The following RTP2 variants were observed in gnomAD, a reference collection of about 807,000 sequenced individuals.
The protein encoded by RTP2 is receptor transporter protein 2, also known as receptor-transporting protein 2.
A neutral mutation model predicts 17.9 loss-of-function variants in RTP2; 12 were observed. The observed-to-expected ratio is 0.67, with a 90% CI of 0.43 to 1.09. The LOEUF is 1.09. Among genes scored for constraint, RTP2 ranks in the 50% least tolerant of loss-of-function variants. RTP2 has a pLI of 0.00. For missense variants in RTP2, 327 were observed against 295.7 expected, an observed-to-expected ratio of 1.11 and a Z score of -0.78; for synonymous variants, 126 against 117.7, an observed-to-expected ratio of 1.07 and a Z score of -0.46.
chr3:187,710,255 C>T, the RTP2 span, among the ~76,000 whole-genome samples: 1 of 151,964 alleles, frequency 6.6e-6, no homozygotes, highest in African/African-American at 2.4e-5. Context: ...GGCTCTCAGG[C>T]CTTCAAACTG....
At chr3:187,712,445 CTT>C in the RTP2 span, among the ~76,000 whole-genome samples, 4 of 152,080 alleles carry the variant, frequency 2.6e-5, no homozygotes, top group Non-Finnish European at 5.9e-5. Context: ...CATATTTTAA[CTT>C]TGAAATTAAA....
chr3:187,700,763 A>T (rs1273649710), intron 1 of RTP2, among the ~76,000 whole-genome samples: 2 of 152,218 alleles, frequency 1.3e-5, no homozygotes, highest in Non-Finnish European at 2.9e-5. Flanking sequence ...CCCAGATAGT[A>T]AGAGAGGCAT....
chr3:187,698,938 G>A (rs750464884), exon 2 of RTP2: 4 of 1,608,388 alleles, frequency 2.5e-6, no homozygotes, highest in East Asian at 2.2e-5. Context: ...CGCTGGGCGC[G>A]GTCCAGGAAC....
At chr3:187,702,184 A>T in exon 1 of RTP2, 1 of 1,526,412 alleles carries the variant, frequency 6.6e-7, no homozygotes, top group Non-Finnish European at 8.9e-7. Flanking sequence ...ACACAGAAAG[A>T]GCACGGATAG....
At chr3:187,702,021 C>G in exon 1 of RTP2, 1 of 1,613,086 alleles carries the variant, frequency 6.2e-7, no homozygotes, top group African/African-American at 1.3e-5. Context: ...GCTCACTGGG[C>G]TTGAGGTTGG....
the RTP2 span, among the ~76,000 whole-genome samples, chr3:187,711,717 A>T: frequency 6.6e-6 from 1 of 152,198 alleles, no homozygotes; most frequent in Non-Finnish European, 1.5e-5. Context: ...TCTGCCAGTG[A>T]CTTGCTGCAT....
chr3:187,698,991 C>CCATGG lies in RTP2; in HGVS notation c.184_185insCCATG (p.Trp62SerfsTer117), dbSNP rs1306700668. Reference sequence around the variant, plus strand: ...CACATGGGCAGACTGCCAGGTGTGCCAGCACCAGGAGCAGTGGAACCTGCC... The same window carrying CCATGG: ...CACATGGGCAGACTGCCAGGTGTGCCCATGGAGCACCAGGAGCAGTGGAACCTGCC... On this transcript the variant is annotated frameshift_variant, in exon 2 of 2. Transcript: ENST00000358241. LOFTEE classifies it high-confidence loss of function. 6.3e-7 allele frequency: 1 copy of CCATGG among 1,589,622 alleles called. No homozygotes were observed. Among genetic ancestry groups the CCATGG allele is most frequent in the African/African-American group, 1.3e-5 (1 of 74,620 alleles).
the RTP2 span, among the ~76,000 whole-genome samples, chr3:187,707,967 T>C: frequency 1.1e-4 from 17 of 152,192 alleles, no homozygotes; most frequent in Non-Finnish European, 2.5e-4. Flanking sequence ...ACACTCCCAA[T>C]TGAAACCTAC....
the RTP2 span, among the ~76,000 whole-genome samples, chr3:187,714,137 G>A: frequency 6.6e-6 from 1 of 152,304 alleles, no homozygotes; most frequent in East Asian, 1.9e-4. Context: ...TGGCGAGATT[G>A]TGGTGAGGAT....
chr3:187,712,573 C>T, the RTP2 span, among the ~76,000 whole-genome samples: 2 of 152,122 alleles, frequency 1.3e-5, no homozygotes, highest in Non-Finnish European at 2.9e-5. Context: ...CTTAGAATTT[C>T]TGATAACTAG....
the RTP2 span, among the ~76,000 whole-genome samples, chr3:187,713,744 C>G: frequency 6.6e-6 from 1 of 151,036 alleles, no homozygotes; most frequent in African/African-American, 2.4e-5. Context: ...ATCAGAGGTA[C>G]TTTCATTTTT....
the RTP2 span, among the ~76,000 whole-genome samples, chr3:187,712,282 C>G: frequency 3.9e-5 from 6 of 152,128 alleles, no homozygotes; most frequent in African/African-American, 1.4e-4. Flanking sequence ...TACACAGGAC[C>G]TCTCTGCACT....
At chr3:187,700,536 C>T (rs1004571742) in intron 1 of RTP2, among the ~76,000 whole-genome samples, 2 of 152,358 alleles carry the variant, frequency 1.3e-5, no homozygotes, top group African/African-American at 4.8e-5. Flanking sequence ...ATCCTGGGCA[C>T]TCAAGTTTCC....
At chr3:187,713,780 G>T in the RTP2 span, among the ~76,000 whole-genome samples, 3 of 152,322 alleles carry the variant, frequency 2.0e-5, no homozygotes, top group South Asian at 4.1e-4. Flanking sequence ...AAAGCAGGAG[G>T]GGTGGGGGGA....
At chr3:187,709,858 T>C in the RTP2 span, among the ~76,000 whole-genome samples, 3 of 152,160 alleles carry the variant, frequency 2.0e-5, no homozygotes, top group Admixed American at 2.0e-4. Flanking sequence ...GGTGCTCAAA[T>C]ATCTGCTTGG....
At chr3:187,709,287 G>A in the RTP2 span, among the ~76,000 whole-genome samples, 1 of 152,094 alleles carries the variant, frequency 6.6e-6, no homozygotes, top group Admixed American at 6.5e-5. Flanking sequence ...ACACAGATTC[G>A]GAGCTTGTTT....
exon 2 of RTP2, chr3:187,698,898 T>C (rs1717766382): frequency 6.2e-7 from 1 of 1,611,738 alleles, no homozygotes; most frequent in Non-Finnish European, 8.5e-7. Flanking sequence ...GCACAGCTGC[T>C]TGAAGACGCG....
chr3:187,705,138 C>T (rs1199170975), upstream of RTP2, among the ~76,000 whole-genome samples: 2 of 150,896 alleles, frequency 1.3e-5, no homozygotes, highest in African/African-American at 4.9e-5. Context: ...CATAAAAAGA[C>T]AGATAGAAAT....
the RTP2 span, among the ~76,000 whole-genome samples, chr3:187,707,683 G>A: frequency 6.6e-6 from 1 of 152,200 alleles, no homozygotes; most frequent in Non-Finnish European, 1.5e-5. Flanking sequence ...TTGCCTTAGA[G>A]GGGACGTGAA....
Sources: allele counts gnomAD v4.1 joint callset (sites outside exome capture counted in the v4.1 genomes callset), GRCh38; gene constraint gnomAD v4.1.1; transcripts MANE v1.5; gene names NCBI Gene and HGNC (gene_info 2026-07-23, HGNC 2026-07-21).